Variants in NUP210L observed in about 807,000 individuals in gnomAD.
The protein encoded by NUP210L is nucleoporin 210 like, also known as nuclear pore membrane glycoprotein 210-like.
In NUP210L, 74 loss-of-function variants were observed where a neutral mutation model predicts 208.5. The observed-to-expected ratio is 0.35, with a 90% CI of 0.29 to 0.43. NUP210L has a LOEUF of 0.43. NUP210L is among the 20% of genes least tolerant of loss of function. The pLI, the probability that NUP210L is intolerant of heterozygous loss-of-function variation, is 1.00. For missense variants in NUP210L, 1,843 were observed against 2,289.4 expected (o/e 0.81, Z 3.98); for synonymous variants, 780 against 816.9 (o/e 0.95, Z 0.77).
chr1:154,038,552 T>A (rs1029366870), intron 27 of NUP210L, among the ~76,000 whole-genome samples: 25 of 151,720 alleles, frequency 1.6e-4, no homozygotes, highest in Admixed American at 9.2e-4. Flanking sequence ...ACCATGTTGG[T>A]CAGGCTGGTC....
rs145230560 is a variant in NUP210L, at chr1:154,122,650, G to A, written c.1326+3673C>T. Among the ~76,000 whole-genome samples the A allele has an allele frequency of 4.1e-3, 621 of 152,196 alleles. 2 individuals are homozygous for A. The highest frequency in any genetic ancestry group is 0.014 in the African/African-American group (580 of 41,536). On this transcript the variant is annotated intron_variant, in intron 10 of 39. Coordinates refer to ENST00000368559, the Ensembl canonical transcript of NUP210L. ...AGTCTGGGAAACAGAGCAAAACTCC[G>A]TCTCAAAGAAAACAAAACAGAAAAT...
intron 16 of NUP210L, among the ~76,000 whole-genome samples, chr1:154,082,033 AACACATTG>A (rs1226205889): frequency 1.3e-5 from 2 of 152,224 alleles, no homozygotes; most frequent in African/African-American, 2.4e-5. Context: ...CTGTTTGGTA[AACACATTG>A]ATGTGTTCCA....
At chr1:154,072,067 T>G (rs11588942) in intron 16 of NUP210L, among the ~76,000 whole-genome samples, 41,464 of 151,720 alleles carry the variant, frequency 0.27, 5,944 homozygotes, top group Admixed American at 0.37. Context: ...TTTTGCAATT[T>G]CAAAGTGTGC....
intron 2 of NUP210L, 21 bp downstream of exon 2, chr1:154,152,715 G>A: frequency 6.2e-7 from 1 of 1,608,780 alleles, no homozygotes; most frequent in Non-Finnish European, 8.5e-7. Context: ...GTGATACATA[G>A]TGTTTTTGCT....
At chr1:154,015,906 C>CAATAAATAAATA (rs71584164) in intron 33 of NUP210L, among the ~76,000 whole-genome samples, 17 of 133,948 alleles carry the variant, frequency 1.3e-4, no homozygotes, top group South Asian at 2.5e-4. Context: ...GACCCTGTCT[C>CAATAAATAAATA]AATAAATAAA....
At chr1:154,036,347 T>C (rs1295150134) in intron 27 of NUP210L, among the ~76,000 whole-genome samples, 2 of 139,396 alleles carry the variant, frequency 1.4e-5, no homozygotes, top group African/African-American at 5.1e-5. Context: ...TGTGTGTGTG[T>C]GTGTGTGTGT....
At chr1:154,064,475 G>A (rs1482394265) in intron 17 of NUP210L, among the ~76,000 whole-genome samples, 1 of 152,050 alleles carries the variant, frequency 6.6e-6, no homozygotes, top group African/African-American at 2.4e-5. Context: ...TCCTCTTCCT[G>A]TCACCACTCC....
At chr1:154,060,542 C>T in exon 20 of NUP210L, 1 of 1,605,814 alleles carries the variant, frequency 6.2e-7, no homozygotes, top group Non-Finnish European at 8.5e-7. Flanking sequence ...GAGCTCACCT[C>T]AACAGAGCTT....
chr1:154,090,692 T>G (rs1399693864), intron 15 of NUP210L, among the ~76,000 whole-genome samples: 2 of 151,964 alleles, frequency 1.3e-5, no homozygotes, highest in East Asian at 3.9e-4. Context: ...ACGCCTGTAG[T>G]CCCAGCTACT....
intron 17 of NUP210L, among the ~76,000 whole-genome samples, chr1:154,069,062 C>T (rs1221566582): frequency 1.3e-5 from 2 of 152,146 alleles, no homozygotes; most frequent in Non-Finnish European, 2.9e-5. Context: ...GGATTAAAGA[C>T]TTAAATGTTA....
chr1:154,127,233 C>A (rs889371196), intron 9 of NUP210L, 78 bp downstream of exon 9: 3 of 568,212 alleles, frequency 5.3e-6, no homozygotes, highest in African/African-American at 1.9e-5. Flanking sequence ...GGCTTTCTAG[C>A]CAGGAAGATG....
At position 154,054,414 on chromosome 1, in the gene NUP210L, T is replaced by C; in HGVS notation, c.3304-7A>G. On this transcript the variant is annotated splice_region_variant and splice_polypyrimidine_tract_variant and intron_variant, in intron 24 of 39. Transcript: ENST00000368559. ...GGCCACCTTCAGACATTACCTGGAA[T>C]TTAAATATACCATTGAATGCCTAGA... 1.2e-6 allele frequency: 2 copies of C among 1,613,720 alleles called. No homozygotes were observed. Among genetic ancestry groups the C allele is most frequent in the Non-Finnish European group, 1.7e-6 (2 of 1,179,648 alleles).
In NUP210L at chr1:154,073,498, T is replaced by C. The variant is rs1654871969; in HGVS notation, c.2362-3033A>G. ...ATGATTGCACCACTGCCCTCTACCC[T>C]AGGTGAGACCATCTCAAATAAATAA... On this transcript the variant is annotated intron_variant, in intron 16 of 39. Coordinates refer to ENST00000368559, the Ensembl canonical transcript of NUP210L. 2.0e-5 allele frequency among the ~76,000 whole-genome samples: 3 copies of C among 152,076 alleles called. No individual in the cohort carries two copies. The South Asian group carries it at 6.2e-4, about 32-fold the overall frequency.
intron 14 of NUP210L, among the ~76,000 whole-genome samples, chr1:154,096,595 T>C (rs1394467299): frequency 6.6e-6 from 1 of 151,652 alleles, no homozygotes; most frequent in Non-Finnish European, 1.5e-5. Flanking sequence ...ATCCCATCTC[T>C]ACTAAAAATA....
At chr1:154,140,962 C>G (rs1303469788) in intron 4 of NUP210L, among the ~76,000 whole-genome samples, 2 of 149,850 alleles carry the variant, frequency 1.3e-5, no homozygotes, top group African/African-American at 4.9e-5. Flanking sequence ...CCACTGCACT[C>G]CAGCCTGGGA....
chr1:153,993,839 A>G (rs906438411), intron 38 of NUP210L, among the ~76,000 whole-genome samples: 1 of 152,190 alleles, frequency 6.6e-6, no homozygotes, highest in Non-Finnish European at 1.5e-5. Flanking sequence ...TGGAGGTTGC[A>G]GTGAGCCAAG....
chr1:154,115,244 C>G (rs771740794), intron 12 of NUP210L, among the ~76,000 whole-genome samples: 18 of 152,128 alleles, frequency 1.2e-4, no homozygotes, highest in Non-Finnish European at 7.3e-5. Flanking sequence ...CTGTTAAAAG[C>G]CTGTATTGGT....
intron 12 of NUP210L, among the ~76,000 whole-genome samples, chr1:154,114,882 G>A (rs1366610382): frequency 6.6e-6 from 1 of 150,926 alleles, no homozygotes; most frequent in Non-Finnish European, 1.5e-5. Flanking sequence ...ACATGTGTAA[G>A]CCACCACTCC....
chr1:154,129,071 TA>T (rs1253387596), intron 8 of NUP210L, among the ~76,000 whole-genome samples: 1 of 152,188 alleles, frequency 6.6e-6, no homozygotes, highest in African/African-American at 2.4e-5. Flanking sequence ...TGGATTTTCA[TA>T]TTTTTTTCAC....
Sources: gnomAD v4.1 joint callset for allele counts (sites outside exome capture counted in the v4.1 genomes callset) on GRCh38, gnomAD v4.1.1 for gene constraint, MANE v1.5 for transcripts, NCBI Gene and HGNC (gene_info 2026-07-23, HGNC 2026-07-21) for gene names.